Variants in PCLO observed in about 807,000 individuals in gnomAD.
PCLO encodes the protein piccolo presynaptic cytomatrix protein, also known as protein piccolo.
A neutral mutation model predicts 427.5 loss-of-function variants in PCLO; 82 were observed. That is an observed-to-expected ratio of 0.19 (90% CI 0.16 to 0.23). PCLO has a LOEUF of 0.23. Ranked by LOEUF, PCLO falls within the 10% of genes least tolerant of loss-of-function variation. PCLO has a pLI of 1.00. For synonymous variants in PCLO, 2,357 were observed against 2,155.4 expected (o/e 1.09, Z -2.59); for missense variants, 6,239 against 6,115.9 (o/e 1.02, Z -0.67).
At chr7:82,902,815 GT>G in intron 8 of PCLO, 74 bp from the exon 9 acceptor site, 1 of 737,412 alleles carries the variant, frequency 1.4e-6, no homozygotes, top group Admixed American at 2.2e-5. Flanking sequence ...AATTAGAATG[GT>G]TCATTTCAAA....
chr7:82,955,720 G>A lies in PCLO; in HGVS notation c.5233C>T (p.Pro1745Ser). 6.2e-6 allele frequency: 10 copies of A among 1,613,816 alleles called. No homozygotes were observed. Among genetic ancestry groups the A allele is most frequent in the Non-Finnish European group, 8.5e-6 (10 of 1,179,850 alleles). Residue 1745 changes from proline (P) to serine (S), a missense_variant, in exon 5 of 25, where the codon CCG (proline) becomes TCG (serine). Physicochemically the swap from Pro to Ser is moderately conservative, Grantham distance 74. Coordinates refer to ENST00000333891, the MANE Select transcript of PCLO (RefSeq NM_033026.6). The stretch of plus-strand genomic sequence containing the variant: ...TTGCTCTCTCCTTTTTTGTGACTCG[G>A]GCTACTGTCACTGTCCTCATCAAGT... ...SSLDEDSDSS[P>S]SHKKGESKQQ...
In PCLO at chr7:82,915,453, T is replaced by A; in HGVS notation, c.12533A>T (p.Gln4178Leu). ...RLTLEKQAAK[Q>L]LPAAILYQKQ... ...TTGATAAAGTATGGCTGCTGGCAGTTGTTTTGCTGCTTGTTTTTCAAGTGT... is the reference window on the plus strand; with the variant it reads ...TTGATAAAGTATGGCTGCTGGCAGTAGTTTTGCTGCTTGTTTTTCAAGTGT... Residue 4178 changes from glutamine (Q) to leucine (L), a missense_variant, in exon 7 of 25, where the codon CAA becomes CTA. By Grantham distance (113) the Gln-to-Leu change is moderately radical. Around this residue, in one of 5 missense-constraint regions of PCLO, gnomAD observed 680 missense variants for 677.3 expected, o/e 1.00. Transcript: ENST00000333891. 1 of 1,613,708 alleles carries A rather than the reference T, an allele frequency of 6.2e-7. No homozygotes were observed. Among genetic ancestry groups the A allele is most frequent in the Non-Finnish European group, 8.5e-7 (1 of 1,179,758 alleles).
At chr7:82,764,551 T>C (rs1294904127) in intron 22 of PCLO, among the ~76,000 whole-genome samples, 1 of 151,910 alleles carries the variant, frequency 6.6e-6, no homozygotes, top group Non-Finnish European at 1.5e-5. Flanking sequence ...GTACAAGAAA[T>C]ACAACTAAAA....
intron 6 of PCLO, among the ~76,000 whole-genome samples, chr7:82,937,404 T>C (rs1005004166): frequency 3.3e-5 from 5 of 150,180 alleles, no homozygotes; most frequent in Non-Finnish European, 4.5e-5. Context: ...AACTCTACTG[T>C]AGTATTTTAA....
At chr7:83,026,304 C>T (rs1788495523) in intron 3 of PCLO, among the ~76,000 whole-genome samples, 1 of 152,074 alleles carries the variant, frequency 6.6e-6, no homozygotes, top group South Asian at 2.1e-4. Flanking sequence ...GGGTTGCAAT[C>T]CCAGTCTCTG....
At chr7:83,076,933 A>AT in intron 3 of PCLO, among the ~76,000 whole-genome samples, 1 of 151,762 alleles carries the variant, frequency 6.6e-6, no homozygotes, top group East Asian at 1.9e-4. Context: ...TACTCTCGAC[A>AT]TTTTTTGAGC....
chr7:83,085,771 C>T (rs913119902), intron 3 of PCLO, among the ~76,000 whole-genome samples: 1 of 151,984 alleles, frequency 6.6e-6, no homozygotes, highest in Non-Finnish European at 1.5e-5. Flanking sequence ...ATATTATATG[C>T]TAATGTAAAT....
intron 22 of PCLO, among the ~76,000 whole-genome samples, chr7:82,762,804 T>G (rs182095982): frequency 6.6e-6 from 1 of 152,174 alleles, no homozygotes; most frequent in Admixed American, 6.6e-5. Flanking sequence ...CTTTCATTTC[T>G]TTCTTTCTTC....
At chr7:82,824,491 A>C in intron 18 of PCLO, 75 bp from the exon 19 acceptor site, 1 of 954,664 alleles carries the variant, frequency 1.0e-6, no homozygotes, top group East Asian at 2.5e-5. Context: ...TCTATGTTCT[A>C]AAATTTATTC....
At position 83,135,225 on chromosome 7, in the gene PCLO, T is replaced by C. The variant is rs565735721; in HGVS notation, c.2325A>G (p.Lys775=). The part of the protein sequence containing the change: ...DLVSSSSATT[K]PDIPSSKVQS... ...GTACTTTGGAGCTTGGAATATCAGGTTTTGTTGTTGCTGATGATGAAGATA... is the reference window on the plus strand; with the variant it reads ...GTACTTTGGAGCTTGGAATATCAGGCTTTGTTGTTGCTGATGATGAAGATA... Residue 775 remains lysine, a synonymous_variant, in exon 3 of 25, where the codon AAA becomes AAG. Transcript: ENST00000333891. 3.7e-6 allele frequency: 6 copies of C among 1,613,640 alleles called. No individual in the cohort carries two copies. Among genetic ancestry groups the C allele is most frequent in the East Asian group, 2.2e-5 (1 of 44,800 alleles).
intron 3 of PCLO, among the ~76,000 whole-genome samples, chr7:83,107,125 T>A (rs1327596538): frequency 1.3e-5 from 2 of 152,156 alleles, no homozygotes; most frequent in Non-Finnish European, 2.9e-5. Context: ...GTAAATTGCA[T>A]GTCACAGGGT....
At chr7:83,069,871 T>A (rs1410183918) in intron 3 of PCLO, among the ~76,000 whole-genome samples, 1 of 132,766 alleles carries the variant, frequency 7.5e-6, no homozygotes, top group Admixed American at 9.1e-5. Flanking sequence ...AAAGAACCCA[T>A]GAGGGAGGAG....
rs768994521 is a variant in PCLO at position 82,915,642 on chromosome 7, A to C, written c.12344T>G (p.Met4115Arg). The change falls in exon 7 of 25, where the codon ATG (methionine) becomes AGG (arginine). Residue 4115 changes from methionine (M) to arginine (R), a missense_variant. Physicochemically the swap from Met to Arg is moderately conservative, Grantham distance 91. Transcript: ENST00000333891. ...HSYVKAEEDP[M>R]EDPYELKLLK... Reference sequence around the variant, plus strand: ...AAGCTTTAACTCGTAAGGATCCTCCATTGGGTCTTCCTCCGCCTTCACATA... The same window carrying C: ...AAGCTTTAACTCGTAAGGATCCTCCCTTGGGTCTTCCTCCGCCTTCACATA... 3 of 1,613,348 alleles carry C rather than the reference A, an allele frequency of 1.9e-6. No individual in the cohort carries two copies. Among genetic ancestry groups the C allele is most frequent in the Admixed American group, 1.7e-5 (1 of 59,894 alleles).
chr7:83,013,017 C>G (rs1326124566), intron 3 of PCLO, among the ~76,000 whole-genome samples: 1 of 152,134 alleles, frequency 6.6e-6, no homozygotes, highest in Non-Finnish European at 1.5e-5. Flanking sequence ...GTTCAATACT[C>G]ATCCCACACT....
intron 3 of PCLO, among the ~76,000 whole-genome samples, chr7:83,114,741 G>A (rs6954138): frequency 0.32 from 47,869 of 151,762 alleles, 8,351 homozygotes; most frequent in East Asian, 0.62. Flanking sequence ...GTTTGTGTAT[G>A]TCTTTAAATG....
chr7:82,914,466 C>A (rs780618906), intron 7 of PCLO: 5 of 614,334 alleles, frequency 8.1e-6, no homozygotes, highest in African/African-American at 7.4e-5. Flanking sequence ...AATCAAGAAA[C>A]AGAACAATAA....
intron 9 of PCLO, among the ~76,000 whole-genome samples, chr7:82,893,729 T>C (rs890213222): frequency 2.6e-5 from 4 of 152,064 alleles, no homozygotes; most frequent in Non-Finnish European, 4.4e-5. Context: ...TTATGAAATA[T>C]TGATAAAATA....
intron 3 of PCLO, among the ~76,000 whole-genome samples, chr7:82,967,171 G>A (rs1215863172): frequency 6.7e-6 from 1 of 149,988 alleles, no homozygotes; most frequent in Non-Finnish European, 1.5e-5. Flanking sequence ...CTGATTTGCT[G>A]ACTAAAACAT....
intron 3 of PCLO, among the ~76,000 whole-genome samples, chr7:83,056,862 CG>C (rs1366766448): frequency 6.6e-6 from 1 of 151,866 alleles, no homozygotes; most frequent in African/African-American, 2.4e-5. Context: ...CTATTGTTGT[CG>C]TAAACATTCC....
Sources: allele counts gnomAD v4.1 joint callset (sites outside exome capture counted in the v4.1 genomes callset), GRCh38; gene constraint gnomAD v4.1.1; regional missense constraint gnomAD v4.1.1; transcripts MANE v1.5; gene names NCBI Gene and HGNC (gene_info 2026-07-23, HGNC 2026-07-21).